The following SEM1 variants were observed in gnomAD, a reference collection of about 807,000 sequenced individuals.
SEM1 encodes 26S proteasome complex subunit SEM1.
In SEM1, 3 loss-of-function variants were observed where a neutral mutation model predicts 12.7. The ratio of observed to expected loss-of-function variants is 0.24; its 90% CI spans 0.11 to 0.61. SEM1 has a LOEUF of 0.61. Among genes scored for constraint, SEM1 ranks in the 20% least tolerant of loss-of-function variants. The pLI is 0.88. For synonymous variants in SEM1, 30 were observed against 27.8 expected (o/e 1.08, Z -0.25); for missense variants, 59 against 81.3 (o/e 0.73, Z 1.06).
At chr7:96,549,261 A>G (rs77136111) in intron 2 of SEM1, among the ~76,000 whole-genome samples, 1 of 152,164 alleles carries the variant, frequency 6.6e-6, no homozygotes, top group African/African-American at 2.4e-5. Context: ...TCACATCTCA[A>G]GAAGCCCCTC....
At chr7:96,556,470 G>T (rs1376275262) in intron 2 of SEM1, among the ~76,000 whole-genome samples, 2 of 152,158 alleles carry the variant, frequency 1.3e-5, no homozygotes, top group East Asian at 3.9e-4. Context: ...GGCTGGATAT[G>T]AAATTCTGGG....
intron 1 of SEM1, chr7:96,486,433 A>AC (rs1802772448): frequency 6.5e-7 from 1 of 1,534,402 alleles, no homozygotes; most frequent in African/African-American, 1.4e-5. Flanking sequence ...AGGGAAGTTG[A>AC]AGGTATTATC....
chr7:96,495,132 C>T (rs559426702), intron 1 of SEM1, among the ~76,000 whole-genome samples: 1 of 151,814 alleles, frequency 6.6e-6, no homozygotes, highest in South Asian at 2.1e-4. Flanking sequence ...TATTTCAGGC[C>T]ATAGAAATAT....
intron 2 of SEM1, among the ~76,000 whole-genome samples, chr7:96,485,936 TG>T (rs1390380091): frequency 1.3e-5 from 2 of 152,014 alleles, no homozygotes; most frequent in Non-Finnish European, 2.9e-5. Context: ...GGACTTTTTG[TG>T]GGGGGTAAGG....
intron 2 of SEM1, among the ~76,000 whole-genome samples, chr7:96,529,121 TC>T (rs1804564054): frequency 6.6e-6 from 1 of 152,114 alleles, no homozygotes; most frequent in Non-Finnish European, 1.5e-5. Flanking sequence ...ACTTTTTTAC[TC>T]CATGTCCCAG....
At chr7:96,621,036 A>G (rs77246364), downstream of SEM1, among the ~76,000 whole-genome samples, 5,918 of 152,212 alleles carry the variant, frequency 0.039, 138 homozygotes, top group Admixed American at 0.058. Flanking sequence ...CCCATCTTAC[A>G]TGAACACACT....
intron 2 of SEM1, among the ~76,000 whole-genome samples, chr7:96,531,490 C>G (rs1224203219): frequency 1.3e-5 from 2 of 151,444 alleles, no homozygotes; most frequent in South Asian, 2.1e-4. Flanking sequence ...TGTAATCCCT[C>G]CCAGCTACTC....
intron 2 of SEM1, among the ~76,000 whole-genome samples, chr7:96,573,899 C>T (rs1043321640): frequency 1.3e-5 from 2 of 150,830 alleles, no homozygotes; most frequent in South Asian, 2.1e-4. Context: ...ACCAATCAAA[C>T]GTAGGTTTGG....
At chr7:96,489,917 C>T (rs1342728296) in intron 1 of SEM1, among the ~76,000 whole-genome samples, 3 of 152,050 alleles carry the variant, frequency 2.0e-5, no homozygotes, top group Non-Finnish European at 2.9e-5. Flanking sequence ...TCTTAATTTA[C>T]ACCTTAATTA....
At chr7:96,650,898 AG>A (rs1461872041) in intron 2 of SEM1, among the ~76,000 whole-genome samples, 1 of 152,116 alleles carries the variant, frequency 6.6e-6, no homozygotes, top group African/African-American at 2.4e-5. Context: ...TGGTGTTTTC[AG>A]GTGTGGAGAT....
At chr7:96,528,987 C>T (rs1377742534) in intron 2 of SEM1, among the ~76,000 whole-genome samples, 1 of 152,100 alleles carries the variant, frequency 6.6e-6, no homozygotes, top group Non-Finnish European at 1.5e-5. Context: ...AAAACTTAAG[C>T]AACACAAATG....
intron 1 of SEM1, among the ~76,000 whole-genome samples, chr7:96,705,186 C>T (rs1396841704): frequency 6.6e-6 from 1 of 152,094 alleles, no homozygotes; most frequent in Non-Finnish European, 1.5e-5. Context: ...CTCCAGGGGC[C>T]AGAGGGTGGG....
At chr7:96,544,926 A>G (rs1429949989) in intron 2 of SEM1, among the ~76,000 whole-genome samples, 1 of 151,992 alleles carries the variant, frequency 6.6e-6, no homozygotes, top group Non-Finnish European at 1.5e-5. Context: ...CAGGGGCAGC[A>G]TAAGCAGAAG....
chr7:96,584,859 A>T (rs1200974026), intron 2 of SEM1, among the ~76,000 whole-genome samples: 1 of 151,152 alleles, frequency 6.6e-6, no homozygotes, highest in Non-Finnish European at 1.5e-5. Flanking sequence ...TATTCTAGTT[A>T]TACATTCTTC....
At chr7:96,522,891 C>CAAAAAAAAAAA (rs540895823) in intron 2 of SEM1, among the ~76,000 whole-genome samples, 1 of 87,686 alleles carries the variant, frequency 1.1e-5, no homozygotes. Flanking sequence ...AACTCCATCT[C>CAAAAAAAAAAA]AAAAAAAAAA....
chr7:96,540,483 C>T (rs535947828), intron 2 of SEM1, among the ~76,000 whole-genome samples: 1 of 151,446 alleles, frequency 6.6e-6, no homozygotes, highest in South Asian at 2.1e-4. Context: ...ATTCTTGAAC[C>T]TCAAATATGA....
intron 2 of SEM1, among the ~76,000 whole-genome samples, chr7:96,635,376 T>C (rs1808400921): frequency 1.3e-5 from 2 of 152,218 alleles, no homozygotes; most frequent in Admixed American, 6.6e-5. Flanking sequence ...GATATCCATG[T>C]TGGGCAATAA....
intron 2 of SEM1, among the ~76,000 whole-genome samples, chr7:96,644,706 G>A (rs905625711): frequency 1.3e-5 from 2 of 152,142 alleles, no homozygotes; most frequent in East Asian, 3.9e-4. Flanking sequence ...GTGACGTGGA[G>A]CACTCACAGA....
intron 2 of SEM1, among the ~76,000 whole-genome samples, chr7:96,548,897 A>C (rs1403560129): frequency 6.6e-6 from 1 of 152,176 alleles, no homozygotes; most frequent in East Asian, 1.9e-4. Flanking sequence ...CATGGGGTTT[A>C]CTCAGAACCT....
Sources: allele counts gnomAD v4.1 joint callset (sites outside exome capture counted in the v4.1 genomes callset), GRCh38; gene constraint gnomAD v4.1.1; transcripts MANE v1.5; gene names NCBI Gene and HGNC (gene_info 2026-07-23, HGNC 2026-07-21).